Variants in DCK observed in about 807,000 individuals in gnomAD.
The protein encoded by DCK is deoxyadenosine kinase.
Under a neutral mutation model 38.3 loss-of-function variants are expected in DCK, and 23 were observed. The observed-to-expected ratio is 0.60, with a 90% CI of 0.43 to 0.85. The LOEUF (loss-of-function observed/expected upper bound fraction) is 0.85, where lower values mean the gene tolerates loss of function less well. Among genes scored for constraint, DCK ranks in the 40% least tolerant of loss-of-function variants. DCK has a pLI of 0.00. For missense variants in DCK, 259 were observed against 304.4 expected, an observed-to-expected ratio of 0.85 and a Z score of 1.11; for synonymous variants, 108 against 100.6, an observed-to-expected ratio of 1.07 and a Z score of -0.44.
At chr4:71,014,770 A>G (rs1196267751) in intron 2 of DCK, among the ~76,000 whole-genome samples, 1 of 152,230 alleles carries the variant, frequency 6.6e-6, no homozygotes, top group African/African-American at 2.4e-5. Context: ...CATTTAAAGC[A>G]GTGTGTAGAG....
chr4:71,013,746 G>A (rs1740165415), intron 2 of DCK, among the ~76,000 whole-genome samples: 1 of 152,146 alleles, frequency 6.6e-6, no homozygotes, highest in Non-Finnish European at 1.5e-5. Flanking sequence ...CCCTACAAGA[G>A]CTCCGGAAGG....
intron 2 of DCK, among the ~76,000 whole-genome samples, chr4:71,013,332 A>C (rs1182283023): frequency 6.6e-6 from 1 of 152,176 alleles, no homozygotes; most frequent in African/African-American, 2.4e-5. Flanking sequence ...TGGAAAACAC[A>C]CTTCAGGATA....
chr4:70,996,377 T>C lies in DCK; in HGVS notation c.92-1690T>C, dbSNP rs149561582. ...GACCCTGTGTCTAAAGAAAAAAAAA[T>C]TAAATTTGTTGCTAACTCGAAAACG... On this transcript the variant is annotated intron_variant, in intron 1 of 6. Coordinates refer to ENST00000286648, the MANE Select transcript of DCK (RefSeq NM_000788.3). 1.1e-4 allele frequency among the ~76,000 whole-genome samples: 17 copies of C among 152,162 alleles called. No individual in the cohort carries two copies. The South Asian group carries it at 2.9e-3, about 26-fold the overall frequency.
intron 1 of DCK, 189 bp downstream of exon 1, chr4:70,994,115 T>C (rs897697701): frequency 3.3e-6 from 2 of 607,450 alleles, no homozygotes; most frequent in Non-Finnish European, 5.9e-6. Context: ...ACGGGGTGAC[T>C]GCGGTCCCCG....
At chr4:71,018,518 G>A (rs561383066) in intron 2 of DCK, among the ~76,000 whole-genome samples, 16 of 151,954 alleles carry the variant, frequency 1.1e-4, no homozygotes, top group Non-Finnish European at 2.1e-4. Context: ...TAGCTAAACT[G>A]CTTTCTATCT....
At chr4:71,006,235 C>T (rs538331661) in intron 2 of DCK, 1 of 363,246 alleles carries the variant, frequency 2.8e-6, no homozygotes, top group South Asian at 1.2e-4. Flanking sequence ...TTTCTTTTTA[C>T]TTTCATTCTT....
chr4:71,011,232 CTTTT>C (rs11322673), intron 2 of DCK, among the ~76,000 whole-genome samples: 1 of 93,018 alleles, frequency 1.1e-5, no homozygotes, highest in Non-Finnish European at 2.1e-5. Flanking sequence ...TGTGAGGTCT[CTTTT>C]TTTTTTTTTT....
chr4:71,018,966 C>G (rs954618886), intron 2 of DCK, among the ~76,000 whole-genome samples: 3 of 152,108 alleles, frequency 2.0e-5, no homozygotes, highest in Admixed American at 2.0e-4. Flanking sequence ...GCTGCCTCAC[C>G]TGGCTGGATA....
chr4:71,026,732 A>C lies in DCK; in HGVS notation c.733A>C (p.Lys245Gln), dbSNP rs1740555761. 2.6e-6 allele frequency: 4 copies of C among 1,552,874 alleles called. No homozygotes were observed. Among genetic ancestry groups the C allele is most frequent in the Non-Finnish European group, 3.5e-6 (4 of 1,128,636 alleles). Residue 245 changes from lysine (K) to glutamine (Q), a missense_variant, in exon 6 of 7, where the codon AAA (lysine) becomes CAA (glutamine). This residue lies in a region of DCK where 82 missense variants were observed against 103.8 expected (regional missense o/e 0.79). Transcript: ENST00000286648. ...GGATGTTAATGAAGACTTTAAAGAC[A>C]AATATGAAAGTCTGGTTGAAAAGGT... ...TLDVNEDFKD[K>Q]YESLVEKVKE...
intron 2 of DCK, among the ~76,000 whole-genome samples, chr4:71,007,840 C>A (rs576578404): frequency 9.8e-5 from 15 of 152,344 alleles, no homozygotes; most frequent in African/African-American, 3.4e-4. Context: ...CCTCAGCCTC[C>A]TGAGTATCTA....
At chr4:71,016,360 A>G (rs899745406) in intron 2 of DCK, among the ~76,000 whole-genome samples, 1 of 152,240 alleles carries the variant, frequency 6.6e-6, no homozygotes, top group Non-Finnish European at 1.5e-5. Context: ...CATACTGCCC[A>G]AGGTAATTTA....
chr4:71,029,719 G>A lies in DCK; in HGVS notation c.*341G>A. ...CCTCTTTTGTCTTCCTCAGCAGGTT[G>A]GCTTTTTTCCCTGGTGCCTCTCACT... On this transcript the variant is annotated 3_prime_UTR_variant, in exon 7 of 7. Coordinates refer to ENST00000286648, the MANE Select transcript of DCK (RefSeq NM_000788.3). 4.7e-6 allele frequency: 1 copy of A among 213,768 alleles called. No individual in the cohort carries two copies. The highest frequency in any genetic ancestry group is 5.9e-5 in the Admixed American group (1 of 17,070). 13.2% of individuals were successfully genotyped at this position (213,768 alleles called of 1,614,324 possible).
At chr4:70,995,429 A>G (rs1463622390) in intron 1 of DCK, among the ~76,000 whole-genome samples, 1 of 152,172 alleles carries the variant, frequency 6.6e-6, no homozygotes, top group Non-Finnish European at 1.5e-5. Context: ...TCCACAAAAA[A>G]ATTAAAAAAT....
chr4:71,029,277 T>C, intron 6 of DCK, 75 bp from the exon 7 acceptor site: 1 of 976,160 alleles, frequency 1.0e-6, no homozygotes, highest in Admixed American at 2.2e-5. Flanking sequence ...TTATATACTT[T>C]TAAATGAAGA....
intron 1 of DCK, among the ~76,000 whole-genome samples, chr4:70,997,785 T>G (rs2148911645): frequency 6.6e-6 from 1 of 152,290 alleles, no homozygotes; most frequent in South Asian, 2.1e-4. Flanking sequence ...ATAAAGGGTG[T>G]GGTGGCCATT....
Position 71,022,465 on chromosome 4 carries a change from CAG to C in DCK, c.307_308del (p.Arg104AsnfsTer23). 1 of 1,610,762 alleles carries C rather than the reference CAG, an allele frequency of 6.2e-7. No individual in the cohort carries two copies. Among genetic ancestry groups the C allele is most frequent in the Non-Finnish European group, 8.5e-7 (1 of 1,178,640 alleles). On this transcript the variant is annotated frameshift_variant, in exon 3 of 7. Coordinates refer to ENST00000286648, the MANE Select transcript of DCK (RefSeq NM_000788.3). LOFTEE classifies it high-confidence loss of function. ...TTACCTTCCAAACATATGCCTGTCT[CAG>C]TCGAATAAGAGCTCAGCTTGCCTCT... ...SFTFQTYACLSRIRAQLASLN... is the reference protein window; with the variant it reads ...SFTFQTYACLXRIRAQLASLN...
chr4:70,996,714 T>A lies in DCK; in HGVS notation c.92-1353T>A, dbSNP rs569810228. 7.9e-5 allele frequency among the ~76,000 whole-genome samples: 12 copies of A among 152,332 alleles called. No homozygotes were observed. The East Asian group carries it at 2.3e-3, about 29-fold the overall frequency. ...CTAGAATTTGAACTTTACTTGGTCG[T>A]TTTAGTTTTATATTTATATAACCCA... On this transcript the variant is annotated intron_variant, in intron 1 of 6. Coordinates refer to ENST00000286648, the MANE Select transcript of DCK (RefSeq NM_000788.3).
chr4:71,016,120 G>A (rs534542374), intron 2 of DCK, among the ~76,000 whole-genome samples: 2 of 152,292 alleles, frequency 1.3e-5, no homozygotes, highest in African/African-American at 4.8e-5. Context: ...AAAATCACAA[G>A]CATTCTTATA....
rs113203300 is a variant in DCK, at chr4:71,029,560, G to GT, written c.*192dup. On this transcript the variant is annotated 3_prime_UTR_variant, in exon 7 of 7. Transcript: ENST00000286648. ...CTTTTTGACCAGTTTCTTTTCTTTT[G>GT]TTTTTTTTTTAAAAAAGACATTTAA... 0.034 allele frequency: 14,387 copies of GT among 426,668 alleles called. 1 individual carries two copies. Among genetic ancestry groups the GT allele is most frequent in the Middle Eastern group, 0.046 (70 of 1,514 alleles). 26.4% of individuals were successfully genotyped at this position (426,668 alleles called of 1,614,324 possible).
Sources: allele counts gnomAD v4.1 joint callset (sites outside exome capture counted in the v4.1 genomes callset), GRCh38; gene constraint gnomAD v4.1.1; regional missense constraint gnomAD v4.1.1; transcripts MANE v1.5; gene names NCBI Gene and HGNC (gene_info 2026-07-23, HGNC 2026-07-21).